The following SLC16A12 variants were observed in gnomAD, a reference collection of about 807,000 sequenced individuals.
SLC16A12 encodes solute carrier family 16 member 12.
In SLC16A12, 17 loss-of-function variants were observed where a neutral mutation model predicts 42.4. The observed-to-expected ratio is 0.40, with a 90% CI of 0.27 to 0.60. SLC16A12 has a LOEUF of 0.60. SLC16A12 is among the 20% of genes least tolerant of loss of function. The pLI is 0.42. For synonymous variants in SLC16A12, 224 were observed against 229.4 expected (o/e 0.98, Z 0.21); for missense variants, 544 against 623.0 (o/e 0.87, Z 1.35).
At chr10:89,441,358 C>A (rs1335599523) in intron 4 of SLC16A12, 107 bp from the exon 5 acceptor site, 3 of 1,376,500 alleles carry the variant, frequency 2.2e-6, no homozygotes, top group Non-Finnish European at 3.0e-6. Flanking sequence ...ATTGAGCCCA[C>A]CCTATTAATT....
chr10:89,469,174 T>C (rs1312497911), intron 2 of SLC16A12, among the ~76,000 whole-genome samples: 1 of 152,184 alleles, frequency 6.6e-6, no homozygotes, highest in African/African-American at 2.4e-5. Context: ...CCAATTCATA[T>C]TATTTTGACA....
At chr10:89,532,977 C>T (rs1007847371) in intron 2 of SLC16A12, among the ~76,000 whole-genome samples, 1 of 152,102 alleles carries the variant, frequency 6.6e-6, no homozygotes, top group African/African-American at 2.4e-5. Flanking sequence ...CAAATCATCC[C>T]GTGCTTCAAG....
At position 89,509,171 on chromosome 10, in the gene SLC16A12, G is replaced by C. The variant is rs1014380511; in HGVS notation, c.-47+25330C>G. Among the ~76,000 whole-genome samples, 3 of 152,168 alleles carry C rather than the reference G, an allele frequency of 2.0e-5. No individual in the cohort carries two copies. In the South Asian group the frequency reaches 6.2e-4, roughly 32 times the overall value. On this transcript the variant is annotated intron_variant, in intron 2 of 7. Coordinates refer to ENST00000371790, the MANE Select transcript of SLC16A12 (RefSeq NM_213606.4). Reference sequence around the variant, plus strand: ...AGCCGAATTCTACCAGAGTTATAAAGAGGAGCTGGTACCATTCCTTCTGAA... The same window carrying C: ...AGCCGAATTCTACCAGAGTTATAAACAGGAGCTGGTACCATTCCTTCTGAA...
intron 3 of SLC16A12, among the ~76,000 whole-genome samples, chr10:89,447,059 CTATCCTAAA>C (rs1259047835): frequency 2.0e-5 from 3 of 152,206 alleles, no homozygotes; most frequent in Non-Finnish European, 4.4e-5. Flanking sequence ...GAAGAGCTAA[CTATCCTAAA>C]TATATACGCA....
intron 2 of SLC16A12, among the ~76,000 whole-genome samples, chr10:89,494,232 G>T (rs1367072485): frequency 6.6e-6 from 1 of 152,148 alleles, no homozygotes; most frequent in Non-Finnish European, 1.5e-5. Context: ...ATAAAAACGT[G>T]CTTTATTTCA....
At chr10:89,454,287 C>T (rs1842145806) in intron 3 of SLC16A12, among the ~76,000 whole-genome samples, 1 of 152,072 alleles carries the variant, frequency 6.6e-6, no homozygotes, top group South Asian at 2.1e-4. Flanking sequence ...GGATTATAGG[C>T]ATAAGTCACT....
chr10:89,527,518 T>C (rs1455502716), intron 2 of SLC16A12, among the ~76,000 whole-genome samples: 1 of 150,098 alleles, frequency 6.7e-6, no homozygotes, highest in Non-Finnish European at 1.5e-5. Flanking sequence ...AATAAGGGGC[T>C]GGCATGGTAG....
chr10:89,490,735 G>A (rs959836343), intron 2 of SLC16A12, among the ~76,000 whole-genome samples: 5 of 152,102 alleles, frequency 3.3e-5, no homozygotes, highest in Admixed American at 3.3e-4. Flanking sequence ...CATTAAGTTA[G>A]CATGATTGGT....
chr10:89,465,828 G>A (rs1313374109), intron 2 of SLC16A12, among the ~76,000 whole-genome samples: 2 of 152,186 alleles, frequency 1.3e-5, no homozygotes, highest in Non-Finnish European at 2.9e-5. Context: ...CCATGTCAGT[G>A]AGTGATGAGG....
chr10:89,489,530 C>T (rs1199829396), intron 2 of SLC16A12, among the ~76,000 whole-genome samples: 1 of 151,810 alleles, frequency 6.6e-6, no homozygotes, highest in Non-Finnish European at 1.5e-5. Flanking sequence ...TTTGTAGAGA[C>T]GGGCTCTCCC....
upstream of SLC16A12, among the ~76,000 whole-genome samples, chr10:89,539,611 T>C (rs868346329): frequency 2.0e-5 from 3 of 152,356 alleles, no homozygotes; most frequent in Middle Eastern, 6.8e-3. Context: ...TGGCTACAGA[T>C]AAGTAATATT....
At chr10:89,456,781 T>G (rs1370027451) in intron 3 of SLC16A12, among the ~76,000 whole-genome samples, 2 of 152,158 alleles carry the variant, frequency 1.3e-5, no homozygotes, top group African/African-American at 2.4e-5. Flanking sequence ...AGCTTCCACT[T>G]ATGATTGAGA....
chr10:89,523,711 T>C (rs1401420338), intron 2 of SLC16A12, among the ~76,000 whole-genome samples: 1 of 152,192 alleles, frequency 6.6e-6, no homozygotes, highest in East Asian at 1.9e-4. Context: ...TGACAGCTGC[T>C]AGGACCAGTT....
intron 2 of SLC16A12, among the ~76,000 whole-genome samples, chr10:89,474,050 T>A (rs1842540968): frequency 6.6e-6 from 1 of 152,210 alleles, no homozygotes; most frequent in Admixed American, 6.5e-5. Flanking sequence ...TATATCTTTT[T>A]ACATGCTATT....
chr10:89,474,148 G>C lies in SLC16A12; in HGVS notation c.-46-11524C>G, dbSNP rs564066598. On this transcript the variant is annotated intron_variant, in intron 2 of 7. Transcript: ENST00000371790. Reference sequence around the variant, plus strand: ...TCCACTGCTTCTATGCCTTAAAACAGGCATCTCCCTCTTCCAGGTTTTTGG... The same window carrying C: ...TCCACTGCTTCTATGCCTTAAAACACGCATCTCCCTCTTCCAGGTTTTTGG... Among the ~76,000 whole-genome samples, 3 of 152,214 alleles carry C rather than the reference G, an allele frequency of 2.0e-5. No homozygotes were observed. The South Asian group carries it at 6.2e-4, about 32-fold the overall frequency.
At chr10:89,433,381 C>G in intron 7 of SLC16A12, 55 bp from the exon 8 acceptor site, 1 of 1,568,358 alleles carries the variant, frequency 6.4e-7, no homozygotes, top group South Asian at 1.1e-5. Flanking sequence ...AATTGCTTAC[C>G]CACTCTCAAA....
In SLC16A12 at chr10:89,462,371, C is replaced by T. The variant is rs750484978; in HGVS notation, c.200+8G>A. ...ATCTTAATAAGTTAAGAAGAAAATC[C>T]TACCTACCTTGTGACTGCCCGTGTG... On this transcript the variant is annotated splice_region_variant and intron_variant, in intron 3 of 7. Coordinates refer to ENST00000371790, the MANE Select transcript of SLC16A12 (RefSeq NM_213606.4). 1 of 1,613,934 alleles carries T rather than the reference C, an allele frequency of 6.2e-7. No individual in the cohort carries two copies. Among genetic ancestry groups the T allele is most frequent in the Admixed American group, 1.7e-5 (1 of 60,000 alleles).
At chr10:89,451,845 G>A (rs1473445102) in intron 3 of SLC16A12, among the ~76,000 whole-genome samples, 1 of 152,216 alleles carries the variant, frequency 6.6e-6, no homozygotes, top group Non-Finnish European at 1.5e-5. Flanking sequence ...CATAAGCACA[G>A]TGTTCTGCTA....
intron 3 of SLC16A12, among the ~76,000 whole-genome samples, chr10:89,454,817 G>T (rs1175116400): frequency 1.3e-5 from 2 of 151,708 alleles, no homozygotes; most frequent in African/African-American, 4.8e-5. Flanking sequence ...AATTTCCTTT[G>T]CATTTGTTTA....
Sources: allele counts gnomAD v4.1 joint callset (sites outside exome capture counted in the v4.1 genomes callset), GRCh38; gene constraint gnomAD v4.1.1; transcripts MANE v1.5; gene names NCBI Gene and HGNC (gene_info 2026-07-23, HGNC 2026-07-21).